Variants in PDE8A observed in about 807,000 individuals in gnomAD.
The protein encoded by PDE8A is high affinity cAMP-specific and IBMX-insensitive 3',5'-cyclic phosphodiesterase 8A.
A neutral mutation model predicts 105.0 loss-of-function variants in PDE8A; 59 were observed. That is an observed-to-expected ratio of 0.56 (90% CI 0.46 to 0.70). PDE8A has a LOEUF of 0.70. Ranked by LOEUF, PDE8A falls within the 30% of genes least tolerant of loss-of-function variation. PDE8A has a pLI of 0.00. For missense variants in PDE8A, 1,014 were observed against 1,045.9 expected, an observed-to-expected ratio of 0.97 and a Z score of 0.42; for synonymous variants, 355 against 371.9, an observed-to-expected ratio of 0.95 and a Z score of 0.52.
chr15:85,130,747 A>G (rs903986297), intron 20 of PDE8A, among the ~76,000 whole-genome samples: 2 of 152,180 alleles, frequency 1.3e-5, no homozygotes, highest in African/African-American at 2.4e-5. Flanking sequence ...TGATGCTTAT[A>G]TGCTTATAAT....
chr15:85,097,590 AAC>A (rs1457155436), intron 8 of PDE8A, among the ~76,000 whole-genome samples: 2 of 152,080 alleles, frequency 1.3e-5, no homozygotes, highest in Non-Finnish European at 2.9e-5. Context: ...TCCCCTCCCA[AAC>A]ACAGGGGCAG....
intron 19 of PDE8A, among the ~76,000 whole-genome samples, chr15:85,124,839 A>G (rs2082235127): frequency 6.6e-6 from 1 of 152,150 alleles, no homozygotes; most frequent in Non-Finnish European, 1.5e-5. Context: ...CCATACACCC[A>G]GCAGACTTGG....
At chr15:85,021,402 G>A (rs2080424281) in intron 1 of PDE8A, among the ~76,000 whole-genome samples, 2 of 152,038 alleles carry the variant, frequency 1.3e-5, no homozygotes, top group Non-Finnish European at 2.9e-5. Flanking sequence ...ATTTAGCTGG[G>A]CATGGTGGCC....
intron 1 of PDE8A, among the ~76,000 whole-genome samples, chr15:84,991,041 TA>T (rs2079877798): frequency 6.6e-6 from 1 of 152,060 alleles, no homozygotes; most frequent in Non-Finnish European, 1.5e-5. Context: ...GCTGTCTTTT[TA>T]AAGTTTTTAT....
In PDE8A at chr15:85,067,044, C is replaced by A. The variant is rs932106122; in HGVS notation, c.274C>A (p.Gln92Lys). ...TTTAGTGTTTACCAAAGAAGATAAC[C>A]AATGTAATGGATTCTGCAGGGCATG... ...VLLVFTKEDN[Q>K]CNGFCRACEK... The change falls in exon 3 of 22, where the codon CAA (glutamine) becomes AAA (lysine). Residue 92 changes from glutamine to lysine, a missense_variant. Transcript: ENST00000394553. 2 of 1,608,964 alleles carry A rather than the reference C, an allele frequency of 1.2e-6. No individual in the cohort carries two copies. The highest frequency in any genetic ancestry group is 1.7e-6 in the Non-Finnish European group (2 of 1,177,862).
chr15:85,077,999 G>C lies in PDE8A; in HGVS notation c.546+1212G>C, dbSNP rs574969423. On this transcript the variant is annotated intron_variant, in intron 5 of 21. Coordinates refer to ENST00000394553, the MANE Select transcript of PDE8A (RefSeq NM_002605.3). ...ATATGTAACTGGAGTTCCAGGAGAA[G>C]AGGAAGGATAGAACAGAGGAAATAT... Among the ~76,000 whole-genome samples the C allele has an allele frequency of 5.9e-5, 9 of 152,116 alleles. No homozygotes were observed. The East Asian group carries it at 1.7e-3, about 29-fold the overall frequency.
intron 1 of PDE8A, among the ~76,000 whole-genome samples, chr15:84,999,578 G>GT (rs1193905662): frequency 1.3e-5 from 2 of 151,408 alleles, no homozygotes; most frequent in Admixed American, 6.6e-5. Context: ...TGTTGTTGCT[G>GT]TTTTTTGTTG....
intron 21 of PDE8A, 125 bp downstream of exon 21, chr15:85,136,788 G>A: frequency 1.1e-6 from 1 of 951,208 alleles, no homozygotes; most frequent in Non-Finnish European, 1.5e-6. Context: ...CAAGAGCGAA[G>A]TGAACCATCA....
At chr15:85,106,387 C>T (rs188591339) in intron 11 of PDE8A, among the ~76,000 whole-genome samples, 3 of 152,272 alleles carry the variant, frequency 2.0e-5, no homozygotes, top group East Asian at 1.9e-4. Context: ...CATCTCCTTT[C>T]GAGTTCATGG....
intron 1 of PDE8A, among the ~76,000 whole-genome samples, chr15:85,035,591 T>G (rs918840313): frequency 1.3e-5 from 2 of 152,184 alleles, no homozygotes; most frequent in Admixed American, 1.3e-4. Flanking sequence ...TTAAGGTGAT[T>G]AGTTTCACTC....
chr15:85,123,860 G>C (rs556699243), intron 19 of PDE8A, among the ~76,000 whole-genome samples: 19 of 152,150 alleles, frequency 1.2e-4, no homozygotes, highest in Admixed American at 2.0e-4. Flanking sequence ...AACTAGATGG[G>C]AAAACTCGAA....
rs183735605 is a variant in PDE8A, at chr15:85,011,133, C to G, written c.186+28785C>G. 1.8e-3 allele frequency among the ~76,000 whole-genome samples: 276 copies of G among 152,214 alleles called. 3 individuals are homozygous for G. Among genetic ancestry groups the G allele is most frequent in the African/African-American group, 6.2e-3 (257 of 41,542 alleles). On this transcript the variant is annotated intron_variant, in intron 1 of 21. Coordinates refer to ENST00000394553, the MANE Select transcript of PDE8A (RefSeq NM_002605.3). ...ATAAATATCCTCTATGTTGATTTTTCTCTGAACTTTAGCTGTTCTTTTTCA... is the reference window on the plus strand; with the variant it reads ...ATAAATATCCTCTATGTTGATTTTTGTCTGAACTTTAGCTGTTCTTTTTCA...
At chr15:85,093,603 G>A (rs977910557) in intron 8 of PDE8A, among the ~76,000 whole-genome samples, 1 of 152,210 alleles carries the variant, frequency 6.6e-6, no homozygotes, top group Non-Finnish European at 1.5e-5. Flanking sequence ...TGATGTTCAA[G>A]CAGGGAATAT....
At chr15:85,126,081 GT>G (rs1245476736) in intron 19 of PDE8A, 125 bp from the exon 20 acceptor site, 4 of 595,856 alleles carry the variant, frequency 6.7e-6, no homozygotes, top group Non-Finnish European at 1.1e-5. Context: ...CCTTGGCACT[GT>G]TTTGTGAGAT....
At chr15:85,012,873 G>A (rs1454360151) in intron 1 of PDE8A, among the ~76,000 whole-genome samples, 6 of 152,114 alleles carry the variant, frequency 3.9e-5, no homozygotes, top group African/African-American at 1.4e-4. Flanking sequence ...AACAAAGAAG[G>A]AAATATAATA....
intron 1 of PDE8A, among the ~76,000 whole-genome samples, chr15:85,036,222 T>A (rs2080704048): frequency 6.6e-6 from 1 of 152,228 alleles, no homozygotes; most frequent in Non-Finnish European, 1.5e-5. Context: ...AGCAGTCAGG[T>A]ACTGCATTCC....
chr15:85,067,559 C>T (rs2081249176), intron 3 of PDE8A, among the ~76,000 whole-genome samples: 3 of 151,974 alleles, frequency 2.0e-5, no homozygotes, highest in South Asian at 4.2e-4. Context: ...TTTTAATGTT[C>T]GATGAATGGG....
chr15:85,079,211 CAA>C (rs1369016847), intron 5 of PDE8A, among the ~76,000 whole-genome samples: 4 of 152,152 alleles, frequency 2.6e-5, no homozygotes, highest in Non-Finnish European at 5.9e-5. Context: ...GGGACATACT[CAA>C]AGAGGAATTT....
At chr15:85,007,079 G>A (rs922523608) in intron 1 of PDE8A, among the ~76,000 whole-genome samples, 1 of 152,174 alleles carries the variant, frequency 6.6e-6, no homozygotes, top group Non-Finnish European at 1.5e-5. Flanking sequence ...GATTGATCTG[G>A]AATTGGAGTT....
Sources: gnomAD v4.1 joint callset for allele counts (sites outside exome capture counted in the v4.1 genomes callset) on GRCh38, gnomAD v4.1.1 for gene constraint, MANE v1.5 for transcripts, NCBI Gene and HGNC (gene_info 2026-07-23, HGNC 2026-07-21) for gene names.